The following RPS6KC1 variants were observed in gnomAD, a reference collection of about 807,000 sequenced individuals.
RPS6KC1 encodes ribosomal protein S6 kinase C1, also known as inactive ribosomal protein S6 kinase delta-1.
Under a neutral mutation model 103.8 loss-of-function variants are expected in RPS6KC1, and 54 were observed. That is an observed-to-expected ratio of 0.52 (90% CI 0.42 to 0.65). The LOEUF is 0.65. RPS6KC1 is among the 30% of genes least tolerant of loss of function. The probability of loss-of-function intolerance (pLI) is 0.00; values close to 1 mark genes in which losing one functional copy is unlikely to be tolerated. For synonymous variants in RPS6KC1, 439 were observed against 438.7 expected (o/e 1.00, Z -0.01); for missense variants, 1,151 against 1,253.8 (o/e 0.92, Z 1.24).
chr1:213,518,977 A>G, the RPS6KC1 span, among the ~76,000 whole-genome samples: 1 of 152,200 alleles, frequency 6.6e-6, no homozygotes, highest in African/African-American at 2.4e-5. Flanking sequence ...CGACCCATTC[A>G]TTTTGTAAGA....
the RPS6KC1 span, among the ~76,000 whole-genome samples, chr1:213,505,906 G>T: frequency 1.3e-5 from 2 of 152,260 alleles, no homozygotes; most frequent in East Asian, 3.9e-4. Flanking sequence ...TCAAGTGCCT[G>T]ATTTTTCTTA....
At chr1:213,282,831 G>A in the RPS6KC1 span, among the ~76,000 whole-genome samples, 1 of 152,244 alleles carries the variant, frequency 6.6e-6, no homozygotes, top group Admixed American at 6.5e-5. Context: ...CAGGGTTTCT[G>A]CCTTCGAGGA....
chr1:213,265,115 G>C (rs2094884466), intron 14 of RPS6KC1, among the ~76,000 whole-genome samples: 1 of 152,176 alleles, frequency 6.6e-6, no homozygotes, highest in African/African-American at 2.4e-5. Context: ...TTCTTCAGGA[G>C]AAAGGAGGTT....
the RPS6KC1 span, among the ~76,000 whole-genome samples, chr1:213,463,199 G>A: frequency 6.6e-6 from 1 of 152,186 alleles, no homozygotes; most frequent in Non-Finnish European, 1.5e-5. Flanking sequence ...CTGCTAGAGA[G>A]AGTCAATGTT....
At chr1:213,079,391 T>G (rs1450576246) in intron 3 of RPS6KC1, among the ~76,000 whole-genome samples, 1 of 152,160 alleles carries the variant, frequency 6.6e-6, no homozygotes, top group Admixed American at 6.5e-5. Context: ...AACATCATTT[T>G]CCTTTATACA....
At chr1:213,376,560 C>G in the RPS6KC1 span, among the ~76,000 whole-genome samples, 4 of 151,990 alleles carry the variant, frequency 2.6e-5, no homozygotes, top group African/African-American at 9.7e-5. Flanking sequence ...GTTCCTCATC[C>G]TATTTCAAAA....
the RPS6KC1 span, among the ~76,000 whole-genome samples, chr1:213,282,354 T>A: frequency 1.3e-5 from 2 of 152,232 alleles, no homozygotes; most frequent in Non-Finnish European, 2.9e-5. Flanking sequence ...TTGTGTAACC[T>A]TACCTTCTTG....
chr1:213,169,291 A>G (rs569823400), intron 7 of RPS6KC1, among the ~76,000 whole-genome samples: 1 of 152,312 alleles, frequency 6.6e-6, no homozygotes, highest in South Asian at 2.1e-4. Context: ...ACATTCTGAG[A>G]ATTTCTGATG....
intron 7 of RPS6KC1, among the ~76,000 whole-genome samples, chr1:213,173,061 G>A (rs1221901491): frequency 1.3e-5 from 2 of 151,962 alleles, no homozygotes; most frequent in Non-Finnish European, 2.9e-5. Flanking sequence ...TAACCTTGCT[G>A]CGTCTCAGTT....
chr1:213,070,660 C>T (rs923131960), intron 1 of RPS6KC1, among the ~76,000 whole-genome samples: 1 of 152,196 alleles, frequency 6.6e-6, no homozygotes, highest in Non-Finnish European at 1.5e-5. Flanking sequence ...ACTGTTTGAA[C>T]AGTTGGCTCT....
At chr1:213,684,162 A>G in the RPS6KC1 span, among the ~76,000 whole-genome samples, 1 of 152,192 alleles carries the variant, frequency 6.6e-6, no homozygotes, top group African/African-American at 2.4e-5. Flanking sequence ...CCTTGCCTCA[A>G]ATACACTCTG....
At chr1:213,662,392 G>A in the RPS6KC1 span, among the ~76,000 whole-genome samples, 7 of 150,794 alleles carry the variant, frequency 4.6e-5, no homozygotes, top group Admixed American at 2.6e-4. Context: ...CTCCAGGGTA[G>A]CTAGGATTAC....
the RPS6KC1 span, among the ~76,000 whole-genome samples, chr1:213,775,843 A>G: frequency 1.3e-5 from 2 of 152,170 alleles, no homozygotes; most frequent in South Asian, 4.1e-4. Flanking sequence ...TCTCTCTCAA[A>G]CCTTGCTGCT....
chr1:213,316,829 A>G, the RPS6KC1 span, among the ~76,000 whole-genome samples: 1 of 152,078 alleles, frequency 6.6e-6, no homozygotes, highest in African/African-American at 2.4e-5. Context: ...GGAAATGAGG[A>G]AATAGATTTC....
the RPS6KC1 span, among the ~76,000 whole-genome samples, chr1:213,693,153 A>G: frequency 6.6e-6 from 1 of 152,154 alleles, no homozygotes; most frequent in African/African-American, 2.4e-5. Flanking sequence ...CCTTCCTTCA[A>G]TCTATTCTCA....
At chr1:213,267,521 C>CA (rs1191697278) in intron 14 of RPS6KC1, among the ~76,000 whole-genome samples, 1 of 151,366 alleles carries the variant, frequency 6.6e-6, no homozygotes, top group African/African-American at 2.4e-5. Context: ...TACACAAAAA[C>CA]AAAAAAAGTA....
the RPS6KC1 span, among the ~76,000 whole-genome samples, chr1:213,776,320 T>C: frequency 6.6e-6 from 1 of 152,160 alleles, no homozygotes; most frequent in Non-Finnish European, 1.5e-5. Context: ...GTATTTCTTA[T>C]ATAATAAGAC....
the RPS6KC1 span, among the ~76,000 whole-genome samples, chr1:213,698,111 T>C: frequency 6.6e-6 from 1 of 152,232 alleles, no homozygotes; most frequent in Non-Finnish European, 1.5e-5. Flanking sequence ...ATTAAATGCA[T>C]TTTTGACTTA....
At chr1:213,404,234 C>T in the RPS6KC1 span, among the ~76,000 whole-genome samples, 1 of 152,094 alleles carries the variant, frequency 6.6e-6, no homozygotes, top group Non-Finnish European at 1.5e-5. Flanking sequence ...CGGGGGTTTA[C>T]ACTGGGGTTG....
Sources: gnomAD v4.1 joint callset for allele counts (sites outside exome capture counted in the v4.1 genomes callset) on GRCh38, gnomAD v4.1.1 for gene constraint, MANE v1.5 for transcripts, NCBI Gene and HGNC (gene_info 2026-07-23, HGNC 2026-07-21) for gene names.